The following SMYD3 variants were observed in gnomAD, a reference collection of about 807,000 sequenced individuals.
SMYD3 encodes the protein histone-lysine N-methyltransferase SMYD3.
A neutral mutation model predicts 57.7 loss-of-function variants in SMYD3; 36 were observed. The ratio of observed to expected loss-of-function variants is 0.62; its 90% CI spans 0.48 to 0.82. The LOEUF (loss-of-function observed/expected upper bound fraction) is 0.82. Among genes scored for constraint, SMYD3 ranks in the 40% least tolerant of loss-of-function variants. The pLI is 0.00. For missense variants in SMYD3, 515 were observed against 538.8 expected, an observed-to-expected ratio of 0.96 and a Z score of 0.44; for synonymous variants, 211 against 195.0, an observed-to-expected ratio of 1.08 and a Z score of -0.68.
chr1:245,806,823 T>C (rs886592174), intron 10 of SMYD3, among the ~76,000 whole-genome samples: 1 of 138,688 alleles, frequency 7.2e-6, no homozygotes, highest in African/African-American at 2.8e-5. Flanking sequence ...GGCAGGAGAA[T>C]GGCGTGAACC....
chr1:246,306,584 T>C (rs1414287706), intron 5 of SMYD3, among the ~76,000 whole-genome samples: 1 of 152,150 alleles, frequency 6.6e-6, no homozygotes, highest in African/African-American at 2.4e-5. Context: ...GATCACACAA[T>C]ACATAAAAAT....
chr1:246,191,161 T>C (rs1433802220), intron 5 of SMYD3, among the ~76,000 whole-genome samples: 1 of 152,230 alleles, frequency 6.6e-6, no homozygotes, highest in Non-Finnish European at 1.5e-5. Context: ...AAAGACCAAC[T>C]ATCAGTTCTC....
intron 5 of SMYD3, among the ~76,000 whole-genome samples, chr1:245,978,468 A>T (rs1335287720): frequency 2.0e-5 from 3 of 152,196 alleles, no homozygotes; most frequent in Non-Finnish European, 4.4e-5. Context: ...CTGAATCCAG[A>T]GGTAAGTTTC....
intron 1 of SMYD3, among the ~76,000 whole-genome samples, chr1:246,476,369 G>C (rs904515646): frequency 6.6e-6 from 1 of 152,092 alleles, no homozygotes; most frequent in Non-Finnish European, 1.5e-5. Flanking sequence ...TATGCCTCTC[G>C]GGCTTTAATA....
Position 245,833,073 on chromosome 1 carries a change from A to AAAAAAAAAAAACACAAC in SMYD3, c.1076+25422_1076+25423insGTTGTGTTTTTTTTTTT. On this transcript the variant is annotated intron_variant, in intron 10 of 11. Transcript: ENST00000490107. ...GGAATATGTGACAAAAAAAAAAAAA[A>AAAAAAAAAAAACACAAC]AACCTGCTTTTATAATGCTGATTCA... 3.8e-4 allele frequency among the ~76,000 whole-genome samples: 49 copies of AAAAAAAAAAAACACAAC among 128,636 alleles called. 1 individual carries two copies. The highest frequency in any genetic ancestry group is 1.0e-3 in the East Asian group (3 of 2,968). 84.4% of individuals were successfully genotyped at this position (128,636 alleles called of 152,430 possible).
chr1:245,932,631 C>G (rs2147858607), intron 5 of SMYD3, among the ~76,000 whole-genome samples: 1 of 152,296 alleles, frequency 6.6e-6, no homozygotes, highest in South Asian at 2.1e-4. Flanking sequence ...GCGATCATGG[C>G]TCACTGCAGC....
chr1:246,161,153 A>C (rs2062113640), intron 5 of SMYD3, among the ~76,000 whole-genome samples: 1 of 152,148 alleles, frequency 6.6e-6, no homozygotes. Context: ...AGTCCTCTAC[A>C]AATGAACATG....
intron 1 of SMYD3, among the ~76,000 whole-genome samples, chr1:246,489,126 C>G (rs2068231475): frequency 6.6e-6 from 1 of 152,088 alleles, no homozygotes; most frequent in Non-Finnish European, 1.5e-5. Context: ...GCGGGCGGAT[C>G]ACGAGGTCAA....
At chr1:246,138,260 G>A (rs2061693681) in intron 5 of SMYD3, among the ~76,000 whole-genome samples, 1 of 151,736 alleles carries the variant, frequency 6.6e-6, no homozygotes, top group South Asian at 2.1e-4. Context: ...GTATATATTC[G>A]CTCACTACTT....
chr1:246,272,494 T>C (rs1222988858), intron 5 of SMYD3, among the ~76,000 whole-genome samples: 5 of 152,342 alleles, frequency 3.3e-5, no homozygotes, highest in Middle Eastern at 3.4e-3. Flanking sequence ...TGAAAGGGTA[T>C]TGAATTTTGT....
intron 5 of SMYD3, among the ~76,000 whole-genome samples, chr1:246,063,539 CCTT>C (rs1256666413): frequency 2.0e-4 from 27 of 134,668 alleles, no homozygotes; most frequent in African/African-American, 7.3e-4. Context: ...TTCCTTTCCT[CCTT>C]CCTTCCCTTC....
chr1:245,816,952 C>T lies in SMYD3; in HGVS notation c.1076+41544G>A, dbSNP rs12088283. Among the ~76,000 whole-genome samples, 1,148 of 151,248 alleles carry T rather than the reference C, an allele frequency of 7.6e-3. 9 individuals carry two copies. Among genetic ancestry groups the T allele is most frequent in the African/African-American group, 0.026 (1,062 of 41,446 alleles). On this transcript the variant is annotated intron_variant, in intron 10 of 11. Transcript: ENST00000490107. ...AGCAGTCTGAGATCAAACTGCAAGGCGGCAGCGAGGCTGGGGGAGGGGCGC... is the reference window on the plus strand; with the variant it reads ...AGCAGTCTGAGATCAAACTGCAAGGTGGCAGCGAGGCTGGGGGAGGGGCGC...
At position 246,108,792 on chromosome 1, in the gene SMYD3, TAAGACA is replaced by T. The variant is rs1215949004; in HGVS notation, c.532-178861_532-178856del. On this transcript the variant is annotated intron_variant, in intron 5 of 11. Transcript: ENST00000490107. ...CTAGCTTTATTCCCTGCAAGCAACG[TAAGACA>T]AAGACAACCACACTAAACTCAGTAT... 3.3e-5 allele frequency: 5 copies of T among 152,476 alleles called. No individual in the cohort carries two copies. In the East Asian group the frequency reaches 9.6e-4, roughly 29 times the overall value. 9.4% of individuals were successfully genotyped at this position (152,476 alleles called of 1,614,324 possible). A position where few individuals can be genotyped will look rare whatever the true frequency, so the allele number is the denominator to read the frequency against.
chr1:245,780,655 A>G (rs1001205138), intron 10 of SMYD3, among the ~76,000 whole-genome samples: 12 of 152,240 alleles, frequency 7.9e-5, no homozygotes, highest in Non-Finnish European at 1.5e-5. Context: ...ACCCACTGAA[A>G]TGTACACTTT....
chr1:246,209,251 T>G (rs1286235904), intron 5 of SMYD3, among the ~76,000 whole-genome samples: 1 of 152,188 alleles, frequency 6.6e-6, no homozygotes. Context: ...ATTACAGACC[T>G]TAATAACTTC....
chr1:246,089,098 C>T (rs562709391), intron 5 of SMYD3, among the ~76,000 whole-genome samples: 179 of 152,262 alleles, frequency 1.2e-3, no homozygotes, highest in African/African-American at 4.2e-3. Flanking sequence ...CTACCTCAAC[C>T]TCCCAAGTAC....
At chr1:245,824,738 C>G (rs992301521) in intron 10 of SMYD3, among the ~76,000 whole-genome samples, 1 of 152,006 alleles carries the variant, frequency 6.6e-6, no homozygotes, top group Non-Finnish European at 1.5e-5. Flanking sequence ...TGCCTGTAGT[C>G]CCAGCTACTT....
At chr1:246,403,650 C>A in intron 1 of SMYD3, among the ~76,000 whole-genome samples, 1 of 152,134 alleles carries the variant, frequency 6.6e-6, no homozygotes, top group South Asian at 2.1e-4. Flanking sequence ...TAGGAAATAA[C>A]CCAGAGGTCC....
intron 5 of SMYD3, among the ~76,000 whole-genome samples, chr1:246,030,499 A>G (rs2059651246): frequency 6.6e-6 from 1 of 152,208 alleles, no homozygotes; most frequent in Non-Finnish European, 1.5e-5. Flanking sequence ...GTTCTGCAGC[A>G]TTGTACGCTG....
Sources: gnomAD v4.1 joint callset for allele counts (sites outside exome capture counted in the v4.1 genomes callset) on GRCh38, gnomAD v4.1.1 for gene constraint, MANE v1.5 for transcripts, NCBI Gene and HGNC (gene_info 2026-07-23, HGNC 2026-07-21) for gene names.